PAX5: variants seen among roughly 807,000 people sequenced by gnomAD.
The protein encoded by PAX5 is paired box protein Pax-5.
A neutral mutation model predicts 43.7 loss-of-function variants in PAX5; 9 were observed. That is an observed-to-expected ratio of 0.21 (90% CI 0.12 to 0.36). The LOEUF (loss-of-function observed/expected upper bound fraction) is 0.36. Ranked by LOEUF, PAX5 falls within the 10% of genes least tolerant of loss-of-function variation. The pLI is 1.00. For synonymous variants in PAX5, 228 were observed against 214.3 expected (o/e 1.06, Z -0.56); for missense variants, 383 against 532.7 (o/e 0.72, Z 2.77).
intron 6 of PAX5, among the ~76,000 whole-genome samples, chr9:36,926,386 G>T (rs1830641079): frequency 6.6e-6 from 1 of 152,218 alleles, no homozygotes; most frequent in African/African-American, 2.4e-5. Context: ...GTGGGTATGT[G>T]TGTACGAGGT....
chr9:36,852,278 A>C (rs1366716531), intron 8 of PAX5, among the ~76,000 whole-genome samples: 1 of 152,166 alleles, frequency 6.6e-6, no homozygotes, highest in Non-Finnish European at 1.5e-5. Flanking sequence ...GAGGAAACCC[A>C]GTGACAGAAA....
At chr9:36,952,219 G>A (rs1833061669) in intron 6 of PAX5, among the ~76,000 whole-genome samples, 1 of 114,064 alleles carries the variant, frequency 8.8e-6, no homozygotes, top group East Asian at 2.7e-4. Flanking sequence ...TTTTTAATAT[G>A]CTCTGACCAT....
chr9:37,032,574 C>A (rs932767455), intron 1 of PAX5, among the ~76,000 whole-genome samples: 2 of 152,158 alleles, frequency 1.3e-5, no homozygotes, highest in Admixed American at 1.3e-4. Flanking sequence ...ACAGTTATGC[C>A]CCAGAAGTTG....
At chr9:36,938,318 TG>T (rs1029013505) in intron 6 of PAX5, among the ~76,000 whole-genome samples, 11 of 152,348 alleles carry the variant, frequency 7.2e-5, no homozygotes, top group African/African-American at 2.4e-4. Flanking sequence ...CCATTTGCCT[TG>T]AGGCTAGACA....
chr9:36,997,270 C>G (rs1266301730), intron 5 of PAX5, among the ~76,000 whole-genome samples: 1 of 152,158 alleles, frequency 6.6e-6, no homozygotes, highest in East Asian at 1.9e-4. Context: ...TGCAACGTAC[C>G]CCTACTGCCC....
Position 36,882,155 on chromosome 9 carries a change from C to T in PAX5, c.911-50G>A, listed in dbSNP as rs776293445. ...CAGGGTGAGCATCTTCGCGGCCAGCCGCTCATGTCCACAGCTCCCTGGACG... is the reference window on the plus strand; with the variant it reads ...CAGGGTGAGCATCTTCGCGGCCAGCTGCTCATGTCCACAGCTCCCTGGACG... On this transcript the variant is annotated intron_variant, in intron 7 of 9. Transcript: ENST00000358127. This position sits in a 1 kb window ranked among gnomAD's most constrained non-coding sequence, Gnocchi z 4.4. The T allele has an allele frequency of 9.0e-6, 13 of 1,437,044 alleles. No individual in the cohort carries two copies. The highest frequency in any genetic ancestry group is 2.3e-5 in the East Asian group (1 of 42,712). 89.0% of individuals were successfully genotyped at this position (1,437,044 alleles called of 1,614,324 possible).
intron 6 of PAX5, among the ~76,000 whole-genome samples, chr9:36,928,204 A>T (rs552805725): frequency 6.6e-6 from 1 of 152,274 alleles, no homozygotes; most frequent in African/African-American, 2.4e-5. Flanking sequence ...TTTAAAGGCA[A>T]CTGCATTCTC....
chr9:36,967,097 C>A (rs1834511648), intron 5 of PAX5, among the ~76,000 whole-genome samples: 1 of 152,200 alleles, frequency 6.6e-6, no homozygotes. Context: ...GCTTAGTCAT[C>A]CGGTGCTCCT....
At chr9:37,001,859 G>A (rs1410485429) in intron 5 of PAX5, among the ~76,000 whole-genome samples, 2 of 125,962 alleles carry the variant, frequency 1.6e-5, no homozygotes, top group East Asian at 2.3e-4. Context: ...GGTTTTACAG[G>A]CTCCCAGGGG....
intron 8 of PAX5, among the ~76,000 whole-genome samples, chr9:36,876,074 C>T (rs1368877736): frequency 3.9e-5 from 6 of 152,234 alleles, no homozygotes; most frequent in African/African-American, 7.2e-5. Context: ...AGCTGGGCAA[C>T]GAGCAGAGAG....
chr9:36,912,082 G>A (rs74989088), intron 7 of PAX5, among the ~76,000 whole-genome samples: 2,293 of 152,290 alleles, frequency 0.015, 32 homozygotes, highest in Middle Eastern at 0.024. Flanking sequence ...ACATCCTGAC[G>A]GGGTCTCCAA....
At chr9:36,861,178 A>G (rs190704608) in intron 8 of PAX5, 1 of 152,044 alleles carries the variant, frequency 6.6e-6, no homozygotes, top group East Asian at 1.9e-4. Flanking sequence ...CTGCCTTGAC[A>G]CCAGGTCCAC....
At chr9:37,004,253 T>A (rs536178127) in intron 4 of PAX5, among the ~76,000 whole-genome samples, 2 of 152,340 alleles carry the variant, frequency 1.3e-5, no homozygotes, top group South Asian at 4.1e-4. Context: ...AGTTTCACAT[T>A]AACTTCTGGC....
intron 6 of PAX5, among the ~76,000 whole-genome samples, chr9:36,965,938 T>G (rs1430122278): frequency 6.6e-6 from 1 of 152,216 alleles, no homozygotes; most frequent in Non-Finnish European, 1.5e-5. Context: ...TAGTGACTAC[T>G]CTGCCCAGGG....
chr9:36,981,195 C>CT (rs1028859370), intron 5 of PAX5, among the ~76,000 whole-genome samples: 9 of 145,296 alleles, frequency 6.2e-5, no homozygotes, highest in Admixed American at 4.2e-4. Flanking sequence ...GCCCCCCCCC[C>CT]CTCAGCCCTG....
chr9:36,940,398 C>T (rs913108099), intron 6 of PAX5, among the ~76,000 whole-genome samples: 3 of 152,140 alleles, frequency 2.0e-5, no homozygotes, highest in Non-Finnish European at 2.9e-5. Flanking sequence ...TAAATCATGA[C>T]GTCTGCACGC....
At chr9:36,972,208 C>A (rs1392112572) in intron 5 of PAX5, among the ~76,000 whole-genome samples, 2 of 152,208 alleles carry the variant, frequency 1.3e-5, no homozygotes, top group African/African-American at 2.4e-5. Context: ...CTCTGCAGAA[C>A]CCAGGCCAAA....
At chr9:37,019,092 G>C (rs1387180870) in intron 2 of PAX5, among the ~76,000 whole-genome samples, 1 of 152,144 alleles carries the variant, frequency 6.6e-6, no homozygotes, top group Non-Finnish European at 1.5e-5. Flanking sequence ...TTTGGTTCTA[G>C]AAGTCTGATG....
chr9:36,860,540 A>G (rs982694677), intron 8 of PAX5, among the ~76,000 whole-genome samples: 2 of 152,190 alleles, frequency 1.3e-5, no homozygotes, highest in African/African-American at 4.8e-5. Context: ...TTAGAGGACA[A>G]GCCTCCTGCA....
Sources: gnomAD v4.1 joint callset for allele counts (sites outside exome capture counted in the v4.1 genomes callset) on GRCh38, gnomAD v4.1.1 for gene constraint, Gnocchi (gnomAD v3.1) non-coding constraint, MANE v1.5 for transcripts, NCBI Gene and HGNC (gene_info 2026-07-23, HGNC 2026-07-21) for gene names.